RPS6KA5: variants seen among roughly 807,000 people sequenced by gnomAD.
RPS6KA5 encodes ribosomal protein S6 kinase alpha-5.
RPS6KA5 carries 27 observed loss-of-function variants against 85.5 expected under a neutral mutation model. The ratio of observed to expected loss-of-function variants is 0.32; its 90% CI spans 0.23 to 0.44. RPS6KA5 has a LOEUF of 0.44. Ranked by LOEUF, RPS6KA5 falls within the 20% of genes least tolerant of loss-of-function variation. The probability of loss-of-function intolerance (pLI) is 1.00; values close to 1 mark genes in which losing one functional copy is unlikely to be tolerated. For missense variants in RPS6KA5, 811 were observed against 980.9 expected (o/e 0.83, Z 2.31); for synonymous variants, 334 against 348.2 (o/e 0.96, Z 0.46).
intron 13 of RPS6KA5, among the ~76,000 whole-genome samples, chr14:90,891,922 T>G (rs955473813): frequency 2.3e-4 from 35 of 152,090 alleles, no homozygotes; most frequent in African/African-American, 7.2e-4. Context: ...TTGTCTTCAT[T>G]GAGCCTGCTA....
chr14:90,911,033 G>T (rs2035790036), intron 7 of RPS6KA5, among the ~76,000 whole-genome samples: 1 of 152,134 alleles, frequency 6.6e-6, no homozygotes, highest in Non-Finnish European at 1.5e-5. Context: ...ACTTTTCAGA[G>T]AAGCTTGCTC....
intron 1 of RPS6KA5, among the ~76,000 whole-genome samples, chr14:91,054,919 C>A (rs952319411): frequency 2.0e-5 from 3 of 151,758 alleles, no homozygotes; most frequent in Admixed American, 6.6e-5. Flanking sequence ...GAGACATGTA[C>A]CTAAAATACA....
intron 1 of RPS6KA5, among the ~76,000 whole-genome samples, chr14:91,036,579 A>G (rs995189109): frequency 1.3e-5 from 2 of 152,242 alleles, no homozygotes; most frequent in African/African-American, 4.8e-5. Context: ...TTACATGCAG[A>G]TAATTTAGCT....
intron 14 of RPS6KA5, among the ~76,000 whole-genome samples, chr14:90,885,543 A>C (rs2034140836): frequency 1.3e-5 from 1 of 79,112 alleles, no homozygotes; most frequent in Non-Finnish European, 2.2e-5. Context: ...ACAGAGCGAG[A>C]CTCCGTCTCA....
At chr14:90,966,040 G>A (rs773370811) in intron 3 of RPS6KA5, among the ~76,000 whole-genome samples, 4 of 152,166 alleles carry the variant, frequency 2.6e-5, no homozygotes, top group Non-Finnish European at 2.9e-5. Flanking sequence ...AGAAGTGAAA[G>A]AGGTTTGGCA....
chr14:90,883,955 C>G, intron 14 of RPS6KA5, among the ~76,000 whole-genome samples: 1 of 152,146 alleles, frequency 6.6e-6, no homozygotes, highest in East Asian at 1.9e-4. Flanking sequence ...TAAGCAGTTG[C>G]TTTGGAATGT....
chr14:90,873,330 G>T (rs2089637057), intron 16 of RPS6KA5, among the ~76,000 whole-genome samples: 2 of 152,064 alleles, frequency 1.3e-5, no homozygotes, highest in Admixed American at 6.5e-5. Context: ...GTTTATTATG[G>T]TTTTTAAAGA....
In RPS6KA5 at chr14:90,904,020, CACT is replaced by C. The variant is rs1461432376; in HGVS notation, c.958-1054_958-1052del. On this transcript the variant is annotated intron_variant, in intron 8 of 16. Transcript: ENST00000614987. ...GGAGGGCAGTGGCGCGATCTCGGCT[CACT>C]ACTACAAGCTCCACCTCCTGAGTTC... is the stretch of plus-strand genomic sequence containing the variant. Among the ~76,000 whole-genome samples the C allele has an allele frequency of 2.9e-4, 44 of 151,332 alleles. No individual in the cohort carries two copies. The East Asian group carries it at 4.5e-3, about 15-fold the overall frequency.
At chr14:90,985,272 A>G (rs1200778053) in intron 2 of RPS6KA5, among the ~76,000 whole-genome samples, 1 of 152,216 alleles carries the variant, frequency 6.6e-6, no homozygotes, top group South Asian at 2.1e-4. Flanking sequence ...AAATGGTATG[A>G]GGTTAATTTG....
At chr14:90,966,158 A>G (rs1384424846) in intron 3 of RPS6KA5, among the ~76,000 whole-genome samples, 1 of 152,232 alleles carries the variant, frequency 6.6e-6, no homozygotes, top group Non-Finnish European at 1.5e-5. Context: ...AAACGCAGAT[A>G]TGTGTCCTGG....
At chr14:91,031,903 A>G (rs2042201223) in intron 1 of RPS6KA5, among the ~76,000 whole-genome samples, 2 of 152,204 alleles carry the variant, frequency 1.3e-5, no homozygotes, top group African/African-American at 4.8e-5. Flanking sequence ...TTGGTAGAAA[A>G]TATTAGAAAA....
At chr14:90,993,872 A>G (rs747400241) in intron 2 of RPS6KA5, among the ~76,000 whole-genome samples, 7 of 152,016 alleles carry the variant, frequency 4.6e-5, no homozygotes, top group Non-Finnish European at 7.4e-5. Context: ...TGAAAGTCTG[A>G]TTAGAAAAAT....
chr14:90,985,921 G>T (rs1708242398), intron 2 of RPS6KA5, among the ~76,000 whole-genome samples: 2 of 152,134 alleles, frequency 1.3e-5, no homozygotes, highest in Admixed American at 1.3e-4. Context: ...AAATGAGGAT[G>T]AATGCTTTGA....
At chr14:91,052,465 T>TAAAA (rs71120103) in intron 1 of RPS6KA5, 15 of 132,708 alleles carry the variant, frequency 1.1e-4, no homozygotes, top group African/African-American at 2.9e-4. Flanking sequence ...ACTCGTCTCT[T>TAAAA]AAAAAAAAAA....
intron 3 of RPS6KA5, among the ~76,000 whole-genome samples, chr14:90,967,054 C>G (rs1198049982): frequency 2.0e-4 from 30 of 152,236 alleles, no homozygotes; most frequent in Non-Finnish European, 5.9e-5. Flanking sequence ...ATAGGTAGGG[C>G]TAACTCTAAT....
intron 5 of RPS6KA5, among the ~76,000 whole-genome samples, chr14:90,929,867 G>A (rs1408872105): frequency 6.6e-6 from 1 of 151,952 alleles, no homozygotes; most frequent in Non-Finnish European, 1.5e-5. Flanking sequence ...AAAATGATAG[G>A]CTTTTTTTTC....
At position 90,871,918 on chromosome 14, in the gene RPS6KA5, A is replaced by T; in HGVS notation, c.*156T>A. The T allele has an allele frequency of 1.1e-6, 1 of 922,640 alleles. No individual in the cohort carries two copies. The highest frequency in any genetic ancestry group is 1.6e-6 in the Non-Finnish European group (1 of 609,208). The allele number at this position is 922,640 out of a possible 1,614,324, so 57.2% of individuals were successfully genotyped here. ...TAACATTCTCTGTCCAGTGCTTTTG[A>T]ATGAGGATAACCAAACAGGTTTTCC... On this transcript the variant is annotated 3_prime_UTR_variant, in exon 17 of 17. Transcript: ENST00000614987.
Position 90,877,518 on chromosome 14 carries a change from G to A in RPS6KA5, c.1837-2158C>T, listed in dbSNP as rs577911209. ...ATGCAGACACCAGAGTAACAGTCATGCAACTTAAATCTTACAACATTCCCC... is the reference window on the plus strand; with the variant it reads ...ATGCAGACACCAGAGTAACAGTCATACAACTTAAATCTTACAACATTCCCC... On this transcript the variant is annotated intron_variant, in intron 14 of 16. Coordinates refer to ENST00000614987, the MANE Select transcript of RPS6KA5 (RefSeq NM_004755.4). Among the ~76,000 whole-genome samples, 37 of 152,270 alleles carry A rather than the reference G, an allele frequency of 2.4e-4. No homozygotes were observed. The South Asian group carries it at 7.7e-3, about 32-fold the overall frequency.
At chr14:90,969,920 C>G (rs2039243647) in intron 3 of RPS6KA5, among the ~76,000 whole-genome samples, 1 of 151,546 alleles carries the variant, frequency 6.6e-6, no homozygotes, top group Admixed American at 6.6e-5. Context: ...ACAAATTTTC[C>G]TCTTCCTTCT....
Sources: allele counts gnomAD v4.1 joint callset (sites outside exome capture counted in the v4.1 genomes callset), GRCh38; gene constraint gnomAD v4.1.1; transcripts MANE v1.5; gene names NCBI Gene and HGNC (gene_info 2026-07-23, HGNC 2026-07-21).